NCOA1: variants seen among roughly 807,000 people sequenced by gnomAD.
The protein encoded by NCOA1 is Hin-2 protein.
NCOA1 carries 35 observed loss-of-function variants against 150.9 expected under a neutral mutation model. The observed-to-expected ratio is 0.23, with a 90% CI of 0.18 to 0.31. NCOA1 has a LOEUF of 0.31. Ranked by LOEUF, NCOA1 falls within the 10% of genes least tolerant of loss-of-function variation. The pLI is 1.00. For synonymous variants in NCOA1, 590 were observed against 630.0 expected (o/e 0.94, Z 0.95); for missense variants, 1,491 against 1,749.3 (o/e 0.85, Z 2.63).
At chr2:24,729,836 G>C in intron 17 of NCOA1, 21 bp downstream of exon 17, 1 of 1,584,352 alleles carries the variant, frequency 6.3e-7, no homozygotes, top group Admixed American at 1.8e-5. Context: ...TTGTTTAGCA[G>C]TTGATACTTT....
intron 22 of NCOA1, among the ~76,000 whole-genome samples, chr2:24,765,937 G>A (rs944841905): frequency 5.2e-5 from 7 of 134,050 alleles, no homozygotes; most frequent in South Asian, 4.7e-4. Context: ...TTGCTTTGTC[G>A]TTGCCCACGC....
chr2:24,716,629 A>G (rs1287471889), intron 14 of NCOA1, among the ~76,000 whole-genome samples: 1 of 152,232 alleles, frequency 6.6e-6, no homozygotes, highest in African/African-American at 2.4e-5. Flanking sequence ...TCATTGAGAT[A>G]GACACATTTT....
At chr2:24,499,093 G>A (rs922291809) in intron 1 of NCOA1, among the ~76,000 whole-genome samples, 6 of 151,892 alleles carry the variant, frequency 4.0e-5, no homozygotes, top group African/African-American at 7.3e-5. Context: ...CATGATACTT[G>A]CCCAAGAGTT....
At chr2:24,548,849 G>A (rs976960855) in intron 1 of NCOA1, among the ~76,000 whole-genome samples, 1 of 152,210 alleles carries the variant, frequency 6.6e-6, no homozygotes, top group Admixed American at 6.5e-5. Context: ...TGGCTTTGCA[G>A]GGTACAGCCT....
chr2:24,537,469 A>G lies in NCOA1; in HGVS notation c.-395-26826A>G, dbSNP rs149712986. ...ATAATATATTTGTGTGTGTATATATATATAATATATGTATGTGTGTGTGTG... is the reference window on the plus strand; with the variant it reads ...ATAATATATTTGTGTGTGTATATATGTATAATATATGTATGTGTGTGTGTG... On this transcript the variant is annotated intron_variant, in intron 1 of 22. Coordinates refer to ENST00000348332, the MANE Select transcript of NCOA1 (RefSeq NM_003743.5). Among the ~76,000 whole-genome samples the G allele has an allele frequency of 1.5e-4, 22 of 151,648 alleles. No homozygotes were observed. In the East Asian group the frequency reaches 3.7e-3, roughly 26 times the overall value.
At chr2:24,509,242 G>C (rs1327332092) in intron 1 of NCOA1, among the ~76,000 whole-genome samples, 1 of 152,158 alleles carries the variant, frequency 6.6e-6, no homozygotes, top group Non-Finnish European at 1.5e-5. Flanking sequence ...TATTTTTGCA[G>C]TTCAGAAATA....
rs1412305710 is a variant in NCOA1 at position 24,769,809 on chromosome 2, GGT to G, written c.*1419_*1420del. On this transcript the variant is annotated 3_prime_UTR_variant, in exon 23 of 23. Transcript: ENST00000348332. ...TGCAAGGCCAGGAAAGCTTGAGAAA[GGT>G]ATTGTGGAAGAAGCAAAGGTAGACC... 3 of 223,630 alleles carry G rather than the reference GGT, an allele frequency of 1.3e-5. No individual in the cohort carries two copies. In the East Asian group the frequency reaches 1.9e-4, roughly 15 times the overall value. 13.9% of individuals were successfully genotyped at this position (223,630 alleles called of 1,614,324 possible). A position where few individuals can be genotyped will look rare whatever the true frequency, so the allele number is the denominator to read the frequency against.
At position 24,745,062 on chromosome 2, in the gene NCOA1, G is replaced by A. The variant is rs978485697; in HGVS notation, c.3706+2876G>A. Among the ~76,000 whole-genome samples the A allele has an allele frequency of 2.0e-5, 3 of 152,008 alleles. No individual in the cohort carries two copies. The East Asian group carries it at 5.8e-4, about 29-fold the overall frequency. ...ATAGTAATGGCAGAGTAAGTTTTCT[G>A]GTATTTCTGAAAACAAGAAACTTTT... On this transcript the variant is annotated intron_variant, in intron 19 of 22. Coordinates refer to ENST00000348332, the MANE Select transcript of NCOA1 (RefSeq NM_003743.5).
intron 15 of NCOA1, among the ~76,000 whole-genome samples, chr2:24,727,336 T>C (rs775517881): frequency 6.6e-6 from 1 of 152,160 alleles, no homozygotes; most frequent in Non-Finnish European, 1.5e-5. Flanking sequence ...TATGGATGAA[T>C]TGGCCTCAGT....
intron 22 of NCOA1, among the ~76,000 whole-genome samples, chr2:24,764,324 CCTAAA>C (rs1664941375): frequency 6.6e-6 from 1 of 152,174 alleles, no homozygotes; most frequent in African/African-American, 2.4e-5. Flanking sequence ...AATATATGCA[CCTAAA>C]CTGTCATAAA....
Position 24,548,996 on chromosome 2 carries a change from C to G in NCOA1, c.-395-15299C>G, listed in dbSNP as rs544439081. ...TTCTCACAGCATCACTAGATGGTGC[C>G]CCAGTAGGGACTGTGTGTGGGGGCT... On this transcript the variant is annotated intron_variant, in intron 1 of 22. Transcript: ENST00000348332. Among the ~76,000 whole-genome samples the G allele has an allele frequency of 1.8e-4, 27 of 152,262 alleles. No homozygotes were observed. In the East Asian group the frequency reaches 4.2e-3, roughly 24 times the overall value.
At chr2:24,506,053 A>G (rs1663679950) in intron 1 of NCOA1, among the ~76,000 whole-genome samples, 1 of 151,910 alleles carries the variant, frequency 6.6e-6, no homozygotes, top group Non-Finnish European at 1.5e-5. Context: ...TGCACTCTGT[A>G]TTAGATCCAC....
intron 19 of NCOA1, among the ~76,000 whole-genome samples, chr2:24,744,568 G>A (rs1457326271): frequency 6.6e-6 from 1 of 152,218 alleles, no homozygotes; most frequent in Non-Finnish European, 1.5e-5. Context: ...TTCTGGAAAA[G>A]TTCCAGCCTT....
intron 4 of NCOA1, among the ~76,000 whole-genome samples, chr2:24,651,762 C>G (rs759150651): frequency 6.6e-6 from 1 of 151,850 alleles, no homozygotes; most frequent in Non-Finnish European, 1.5e-5. Context: ...ATACAAATGG[C>G]CAATGAGTGC....
chr2:24,576,173 T>TTTTTTTTTTTTTTTTTTTG (rs1666970902), intron 2 of NCOA1, among the ~76,000 whole-genome samples: 1 of 40,954 alleles, frequency 2.4e-5, no homozygotes, highest in African/African-American at 5.3e-5. Context: ...GTTTTTTGTT[T>TTTTTTTTTTTTTTTTTTTG]TTTTTTTTTT....
Position 24,703,235 on chromosome 2 carries a change from C to T in NCOA1, c.950-1851C>T, listed in dbSNP as rs181355575. Among the ~76,000 whole-genome samples the T allele has an allele frequency of 3.3e-5, 5 of 152,284 alleles. No homozygotes were observed. In the East Asian group the frequency reaches 9.6e-4, roughly 29 times the overall value. ...AGTGAGAGGTCAAGCCTGAATCTGA[C>T]TCCTAGGCTGTTACTCTTTTCATTG... is the stretch of plus-strand genomic sequence containing the variant. On this transcript the variant is annotated intron_variant, in intron 11 of 22. Coordinates refer to ENST00000348332, the MANE Select transcript of NCOA1 (RefSeq NM_003743.5).
rs552639965 is a variant in NCOA1, at chr2:24,593,777, C to T, written c.-175+9217C>T. 5.1e-4 allele frequency among the ~76,000 whole-genome samples: 78 copies of T among 152,178 alleles called. 1 individual carries two copies. Among genetic ancestry groups the T allele is most frequent in the Admixed American group, 2.8e-3 (42 of 15,260 alleles). On this transcript the variant is annotated intron_variant, in intron 3 of 22. Transcript: ENST00000348332. ...GGTTCTTTGAATTCCTGTTGTCATG[C>T]GTACAGGTATTCACATATGAAGTCT...
intron 20 of NCOA1, among the ~76,000 whole-genome samples, chr2:24,754,442 C>T (rs559022686): frequency 9.2e-5 from 14 of 152,160 alleles, no homozygotes; most frequent in Admixed American, 7.2e-4. Flanking sequence ...CTCAGATGTG[C>T]GAAGTACACT....
At position 24,739,485 on chromosome 2, in the gene NCOA1, T is replaced by C. The variant is rs764821805; in HGVS notation, c.3255T>C (p.Pro1085=). ...TAAACCAGTTTGCAGCAACTGCTCC[T>C]GTTGGCATCAATATGAGATCAGGCA... ...AILNQFAATA[P]VGINMRSGMQ... The change falls in exon 18 of 23, where the codon CCT becomes CCC. Residue 1085 remains proline (P), a synonymous_variant. Transcript: ENST00000348332. 3 of 1,613,976 alleles carry C rather than the reference T, an allele frequency of 1.9e-6. No individual in the cohort carries two copies. The highest frequency in any genetic ancestry group is 2.5e-6 in the Non-Finnish European group (3 of 1,179,866).
Sources: allele counts gnomAD v4.1 joint callset (sites outside exome capture counted in the v4.1 genomes callset), GRCh38; gene constraint gnomAD v4.1.1; transcripts MANE v1.5; gene names NCBI Gene and HGNC (gene_info 2026-07-23, HGNC 2026-07-21).